The following ENPP6 variants were observed in gnomAD, a reference collection of about 807,000 sequenced individuals.
ENPP6 encodes the protein ectonucleotide pyrophosphatase/phosphodiesterase 6, also known as glycerophosphocholine cholinephosphodiesterase ENPP6.
ENPP6 carries 32 observed loss-of-function variants against 42.0 expected under a neutral mutation model. The observed-to-expected ratio is 0.76, with a 90% CI of 0.58 to 1.02. The LOEUF is 1.02. ENPP6 is among the 50% of genes least tolerant of loss of function. ENPP6 has a pLI of 0.00. For missense variants in ENPP6, 552 were observed against 566.8 expected, an observed-to-expected ratio of 0.97 and a Z score of 0.27; for synonymous variants, 213 against 216.0, an observed-to-expected ratio of 0.99 and a Z score of 0.12.
intron 1 of ENPP6, among the ~76,000 whole-genome samples, chr4:184,191,761 G>A (rs1032090632): frequency 2.6e-5 from 4 of 152,136 alleles, no homozygotes; most frequent in African/African-American, 9.7e-5. Context: ...GTATATTCTT[G>A]TATGCAGAAA....
intron 2 of ENPP6, among the ~76,000 whole-genome samples, chr4:184,141,217 G>A (rs1052129193): frequency 6.6e-6 from 1 of 152,198 alleles, no homozygotes; most frequent in African/African-American, 2.4e-5. Context: ...GGAGGCAGCT[G>A]TCTAATCAGG....
At chr4:184,107,136 C>T (rs566177118) in intron 6 of ENPP6, among the ~76,000 whole-genome samples, 5 of 152,182 alleles carry the variant, frequency 3.3e-5, no homozygotes, top group Middle Eastern at 3.4e-3. Context: ...CCAACCTGGG[C>T]GGGACTTCCG....
Position 184,206,251 on chromosome 4 carries a change from A to ATTCTTTTT in ENPP6, c.241+11327_241+11328insAAAAAGAA, listed in dbSNP as rs752341794. ...GAACAGCCCCTCAAAGGAAGCTTGA[A>ATTCTTTTT]TTTTTTTTTTTTTTTTTTTTTTTTG... On this transcript the variant is annotated intron_variant, in intron 1 of 7. Coordinates refer to ENST00000296741, the MANE Select transcript of ENPP6 (RefSeq NM_153343.4). Among the ~76,000 whole-genome samples the ATTCTTTTT allele has an allele frequency of 9.3e-4, 87 of 93,402 alleles. 8 individuals are homozygous for ATTCTTTTT. Among genetic ancestry groups the ATTCTTTTT allele is most frequent in the South Asian group, 2.4e-3 (7 of 2,886 alleles). 61.3% of individuals were successfully genotyped at this position (93,402 alleles called of 152,430 possible). A position where few individuals can be genotyped will look rare whatever the true frequency, so the allele number is the denominator to read the frequency against.
chr4:184,191,914 A>G (rs1732717217), intron 1 of ENPP6, among the ~76,000 whole-genome samples: 1 of 152,268 alleles, frequency 6.6e-6, no homozygotes, highest in Non-Finnish European at 1.5e-5. Context: ...AACATTTAGC[A>G]ATATTTAGCA....
chr4:184,193,761 A>G (rs1355750721), intron 1 of ENPP6, among the ~76,000 whole-genome samples: 1 of 152,208 alleles, frequency 6.6e-6, no homozygotes, highest in African/African-American at 2.4e-5. Flanking sequence ...TATGTAGGCA[A>G]ATACCAACCT....
At chr4:184,157,982 A>AT (rs528543581) in intron 1 of ENPP6, among the ~76,000 whole-genome samples, 2 of 151,762 alleles carry the variant, frequency 1.3e-5, no homozygotes, top group Non-Finnish European at 2.9e-5. Context: ...ATCAGTCTTA[A>AT]TTTTTTCTCA....
chr4:184,131,183 T>TCTGTCTG lies in ENPP6; in HGVS notation c.422-6912_422-6911insCAGACAG, dbSNP rs1560987202. Among the ~76,000 whole-genome samples, 12 of 64,868 alleles carry TCTGTCTG rather than the reference T, an allele frequency of 1.8e-4. 2 individuals are homozygous for TCTGTCTG. Among genetic ancestry groups the TCTGTCTG allele is most frequent in the African/African-American group, 6.5e-4 (10 of 15,290 alleles). 42.6% of individuals were successfully genotyped at this position (64,868 alleles called of 152,430 possible). A position where few individuals can be genotyped will look rare whatever the true frequency, so the allele number is the denominator to read the frequency against. On this transcript the variant is annotated intron_variant, in intron 2 of 7. Coordinates refer to ENST00000296741, the MANE Select transcript of ENPP6 (RefSeq NM_153343.4). ...TTTCTTTCTTTCTTTCTTTCTTTCTTTCTTTCTTTCTTTCTTTCTTCTTTC... is the reference window on the plus strand; with the variant it reads ...TTTCTTTCTTTCTTTCTTTCTTTCTTCTGTCTGTCTTTCTTTCTTTCTTTCTTCTTTC...
chr4:184,211,334 C>T (rs1053389650), intron 1 of ENPP6, among the ~76,000 whole-genome samples: 12 of 152,008 alleles, frequency 7.9e-5, no homozygotes, highest in East Asian at 3.8e-4. Flanking sequence ...AATTGATAGA[C>T]CACTAGCAAG....
intron 7 of ENPP6, 84 bp downstream of exon 7, chr4:184,097,161 A>G: frequency 3.8e-6 from 6 of 1,575,674 alleles, no homozygotes; most frequent in Non-Finnish European, 5.2e-6. Flanking sequence ...AAATCCCTGC[A>G]GCCTCTCCTG....
chr4:184,091,091 T>C lies in ENPP6; in HGVS notation c.*86A>G, dbSNP rs1009291911. ...GGTCTTGATTGTGTTAATGAAGCTA[T>C]TATTCACACATAAAATGAAAATCAT... is the stretch of plus-strand genomic sequence containing the variant. On this transcript the variant is annotated 3_prime_UTR_variant, in exon 8 of 8. Coordinates refer to ENST00000296741, the MANE Select transcript of ENPP6 (RefSeq NM_153343.4). 2 of 1,263,380 alleles carry C rather than the reference T, an allele frequency of 1.6e-6. No homozygotes were observed. Among genetic ancestry groups the C allele is most frequent in the Non-Finnish European group, 2.2e-6 (2 of 924,596 alleles). 78.3% of individuals were successfully genotyped at this position (1,263,380 alleles called of 1,614,324 possible).
Position 184,112,709 on chromosome 4 carries a change from A to C in ENPP6, c.956T>G (p.Leu319Trp). Residue 319 changes from leucine (L) to tryptophan (W), a missense_variant, in exon 6 of 8, where the codon TTG becomes TGG. By Grantham distance (61) the Leu-to-Trp change is moderately conservative. Transcript: ENST00000296741. ...CCAGCCTTCATCAGCCACTAAAGTCAAAGGAGAGACAAACTTTCCTTTCTT... is the reference window on the plus strand; with the variant it reads ...CCAGCCTTCATCAGCCACTAAAGTCCAAGGAGAGACAAACTTTCCTTTCTT... ...YYKKGKFVSP[L>W]TLVADEGWFI... 1 of 1,614,196 alleles carries C rather than the reference A, an allele frequency of 6.2e-7. No individual in the cohort carries two copies. Among genetic ancestry groups the C allele is most frequent in the Non-Finnish European group, 8.5e-7 (1 of 1,180,034 alleles).
chr4:184,148,260 A>G (rs1736960503), intron 2 of ENPP6, among the ~76,000 whole-genome samples: 1 of 151,944 alleles, frequency 6.6e-6, no homozygotes, highest in South Asian at 2.1e-4. Flanking sequence ...CCCTTTAAAG[A>G]TGTTTTGTGA....
intron 2 of ENPP6, among the ~76,000 whole-genome samples, chr4:184,143,486 A>G (rs1276816368): frequency 1.3e-5 from 2 of 152,164 alleles, no homozygotes; most frequent in South Asian, 2.1e-4. Context: ...CTTGTCAATC[A>G]GCTCCGCCTC....
At chr4:184,173,052 C>T (rs568872091) in intron 1 of ENPP6, among the ~76,000 whole-genome samples, 7 of 152,190 alleles carry the variant, frequency 4.6e-5, no homozygotes, top group Middle Eastern at 3.4e-3. Context: ...TACAGGCGCC[C>T]GTCACCATGC....
At chr4:184,201,116 G>A (rs561117183) in intron 1 of ENPP6, among the ~76,000 whole-genome samples, 225 of 152,180 alleles carry the variant, frequency 1.5e-3, no homozygotes, top group African/African-American at 5.2e-3. Context: ...CAGCACGCGC[G>A]CCCCCAGGAC....
intron 1 of ENPP6, among the ~76,000 whole-genome samples, chr4:184,206,162 A>G (rs1009529792): frequency 6.7e-6 from 1 of 148,888 alleles, no homozygotes; most frequent in East Asian, 2.1e-4. Context: ...TGGGGGAAGG[A>G]GGGCGGAGGG....
At chr4:184,206,321 G>A (rs546578175) in intron 1 of ENPP6, among the ~76,000 whole-genome samples, 4 of 123,120 alleles carry the variant, frequency 3.2e-5, no homozygotes, top group African/African-American at 6.2e-5. Flanking sequence ...GCAGTGGCGC[G>A]ATCTCGGCTC....
At chr4:184,113,000 G>T (rs1736228811) in intron 5 of ENPP6, among the ~76,000 whole-genome samples, 191 bp from the exon 6 acceptor site, 1 of 152,222 alleles carries the variant, frequency 6.6e-6, no homozygotes. Flanking sequence ...CATCCAGGAA[G>T]GCTGAAGATC....
At chr4:184,170,285 C>CTG (rs1737439953) in intron 1 of ENPP6, among the ~76,000 whole-genome samples, 1 of 152,046 alleles carries the variant, frequency 6.6e-6, no homozygotes, top group Non-Finnish European at 1.5e-5. Flanking sequence ...CAAAAATTAG[C>CTG]TGTGTGTGGT....
Sources: allele counts gnomAD v4.1 joint callset (sites outside exome capture counted in the v4.1 genomes callset), GRCh38; gene constraint gnomAD v4.1.1; transcripts MANE v1.5; gene names NCBI Gene and HGNC (gene_info 2026-07-23, HGNC 2026-07-21).